NSUN6: variants seen among roughly 807,000 people sequenced by gnomAD.
NSUN6 encodes tRNA (cytosine(72)-C(5))-methyltransferase NSUN6.
In NSUN6, 64 loss-of-function variants were observed where a neutral mutation model predicts 58.0. The ratio of observed to expected loss-of-function variants is 1.10; its 90% CI spans 0.90 to 1.36. The LOEUF is 1.36. Ranked by LOEUF, NSUN6 falls within the 40% of genes most tolerant of loss-of-function variation. NSUN6 has a pLI of 0.00. For missense variants in NSUN6, 701 were observed against 550.1 expected (o/e 1.27, Z -2.74); for synonymous variants, 231 against 193.9 (o/e 1.19, Z -1.59).
At chr10:18,600,168 G>C (rs1189425836) in intron 6 of NSUN6, among the ~76,000 whole-genome samples, 1 of 151,986 alleles carries the variant, frequency 6.6e-6, no homozygotes, top group Non-Finnish European at 1.5e-5. Context: ...AGCCACAGGG[G>C]GTATTGGCTT....
chr10:18,627,918 G>A (rs1274703817), intron 3 of NSUN6, among the ~76,000 whole-genome samples: 1 of 152,230 alleles, frequency 6.6e-6, no homozygotes, highest in Non-Finnish European at 1.5e-5. Flanking sequence ...AGCTCAAGGA[G>A]GCCTGCCTGC....
intron 1 of NSUN6, among the ~76,000 whole-genome samples, chr10:18,650,747 G>A (rs1971272): frequency 0.13 from 20,483 of 152,272 alleles, 1,482 homozygotes; most frequent in Middle Eastern, 0.22. Flanking sequence ...CACAACTGCT[G>A]GCATTTAAGA....
chr10:18,559,253 T>C (rs2055294667), intron 8 of NSUN6, among the ~76,000 whole-genome samples: 2 of 143,334 alleles, frequency 1.4e-5, no homozygotes, highest in African/African-American at 5.2e-5. Flanking sequence ...ATGGAGAATG[T>C]AACGGATGGA....
intron 8 of NSUN6, among the ~76,000 whole-genome samples, chr10:18,565,105 C>T (rs1048294851): frequency 1.3e-5 from 2 of 150,462 alleles, no homozygotes; most frequent in Admixed American, 6.7e-5. Flanking sequence ...CTCCATTCCA[C>T]GTTCCATTCC....
At chr10:18,585,800 A>G in intron 8 of NSUN6, 149 bp downstream of exon 8, 1 of 455,808 alleles carries the variant, frequency 2.2e-6, no homozygotes, top group Non-Finnish European at 3.3e-6. Context: ...TCAAATTACC[A>G]CAAGGATAAG....
chr10:18,602,887 G>T (rs1433565041), intron 6 of NSUN6, among the ~76,000 whole-genome samples: 2 of 152,180 alleles, frequency 1.3e-5, no homozygotes. Context: ...GTAGCTACAA[G>T]TGGTAAGTCA....
chr10:18,633,789 A>G (rs1234963424), intron 3 of NSUN6, among the ~76,000 whole-genome samples: 5 of 152,220 alleles, frequency 3.3e-5, no homozygotes, highest in Admixed American at 1.3e-4. Context: ...GCAGCCCAAG[A>G]AAAGAGAAAA....
At chr10:18,586,179 T>A in intron 7 of NSUN6, 86 bp from the exon 8 acceptor site, 1 of 1,095,204 alleles carries the variant, frequency 9.1e-7, no homozygotes, top group Non-Finnish European at 1.3e-6. Context: ...GAGAAAAACA[T>A]GAAAAATTAT....
chr10:18,551,540 A>G (rs1255697240), intron 9 of NSUN6, among the ~76,000 whole-genome samples: 1 of 152,222 alleles, frequency 6.6e-6, no homozygotes, highest in East Asian at 1.9e-4. Context: ...GCAAAATCTT[A>G]AAGCATTTTT....
chr10:18,639,434 C>T (rs2059327331), intron 3 of NSUN6, among the ~76,000 whole-genome samples: 1 of 152,018 alleles, frequency 6.6e-6, no homozygotes, highest in South Asian at 2.1e-4. Flanking sequence ...GGGGAGGTTG[C>T]AGTGAACCAA....
chr10:18,593,651 G>A (rs1195877942), intron 7 of NSUN6, among the ~76,000 whole-genome samples: 2 of 152,040 alleles, frequency 1.3e-5, no homozygotes, highest in Non-Finnish European at 2.9e-5. Context: ...AGTGGGAGTT[G>A]AACAATGAGA....
At chr10:18,624,821 T>C (rs955688419) in intron 3 of NSUN6, among the ~76,000 whole-genome samples, 1 of 152,012 alleles carries the variant, frequency 6.6e-6, no homozygotes, top group Non-Finnish European at 1.5e-5. Flanking sequence ...TGGAATGAGT[T>C]CCCAGCAGTG....
At chr10:18,574,633 G>A (rs528234503) in intron 8 of NSUN6, among the ~76,000 whole-genome samples, 17 of 152,210 alleles carry the variant, frequency 1.1e-4, no homozygotes, top group Admixed American at 2.0e-4. Flanking sequence ...CCAACAGCTG[G>A]TCTGCTCAAA....
At chr10:18,559,528 C>A (rs550999972) in intron 8 of NSUN6, among the ~76,000 whole-genome samples, 3 of 134,234 alleles carry the variant, frequency 2.2e-5, no homozygotes, top group Non-Finnish European at 4.8e-5. Flanking sequence ...TGGAATGGAA[C>A]AGAATGGAGA....
At chr10:18,595,082 G>A (rs529355805) in intron 7 of NSUN6, among the ~76,000 whole-genome samples, 1 of 152,238 alleles carries the variant, frequency 6.6e-6, no homozygotes, top group South Asian at 2.1e-4. Flanking sequence ...CTCAGCTGAG[G>A]CCACTTTAGA....
At chr10:18,553,092 C>T (rs1372724523) in intron 8 of NSUN6, among the ~76,000 whole-genome samples, 4 of 151,500 alleles carry the variant, frequency 2.6e-5, no homozygotes, top group South Asian at 4.2e-4. Flanking sequence ...ATCTTCAGTT[C>T]GATTCCATTC....
At chr10:18,568,336 T>C (rs1379531639) in intron 8 of NSUN6, among the ~76,000 whole-genome samples, 1 of 150,880 alleles carries the variant, frequency 6.6e-6, no homozygotes, top group East Asian at 2.0e-4. Flanking sequence ...CTATTATCCA[T>C]TCTATTTCAT....
chr10:18,565,574 CATTCCATTCAGCACTCT>C (rs1299433042), intron 8 of NSUN6, among the ~76,000 whole-genome samples: 1 of 150,922 alleles, frequency 6.6e-6, no homozygotes, highest in African/African-American at 2.4e-5. Flanking sequence ...ATCCATTCTC[CATTCCATTCAGCACTCT>C]ATTCCATTCT....
chr10:18,551,791 A>T (rs1486990913), intron 9 of NSUN6, 32 bp downstream of exon 9: 1 of 1,594,982 alleles, frequency 6.3e-7, no homozygotes, highest in African/African-American at 1.3e-5. Flanking sequence ...GCAAAAGTTA[A>T]CTTTGTTTCA....
Sources: gnomAD v4.1 joint callset for allele counts (sites outside exome capture counted in the v4.1 genomes callset) on GRCh38, gnomAD v4.1.1 for gene constraint, MANE v1.5 for transcripts, NCBI Gene and HGNC (gene_info 2026-07-23, HGNC 2026-07-21) for gene names.